Variants in HHAT observed in about 807,000 individuals in gnomAD.
The protein encoded by HHAT is hedgehog acyltransferase, also known as protein-cysteine N-palmitoyltransferase HHAT.
A neutral mutation model predicts 70.8 loss-of-function variants in HHAT; 47 were observed. The ratio of observed to expected loss-of-function variants is 0.66; its 90% CI spans 0.53 to 0.85. HHAT has a LOEUF of 0.85. HHAT is among the 40% of genes least tolerant of loss of function. The pLI is 0.00. For missense variants in HHAT, 609 were observed against 604.8 expected, an observed-to-expected ratio of 1.01 and a Z score of -0.07; for synonymous variants, 228 against 247.6, an observed-to-expected ratio of 0.92 and a Z score of 0.74.
At chr1:210,589,463 A>G (rs1661187545) in intron 10 of HHAT, 1 of 152,258 alleles carries the variant, frequency 6.6e-6, no homozygotes, top group Non-Finnish European at 1.5e-5. Context: ...GGATGGTATC[A>G]TAAAGATTTT....
intron 7 of HHAT, among the ~76,000 whole-genome samples, chr1:210,433,663 A>G: frequency 6.6e-6 from 1 of 151,966 alleles, no homozygotes; most frequent in African/African-American, 2.4e-5. Flanking sequence ...ACAGGGTGAC[A>G]TTTGTTTTTC....
rs557812985 is a variant in HHAT at position 210,525,414 on chromosome 1, G to T, written c.1043+12226G>T. On this transcript the variant is annotated intron_variant, in intron 9 of 11. Transcript: ENST00000261458. ...CATCCTCCAGATGCAAACACTTGGGGTGCTTTGGAGTCCTTTGCTTATGTT... is the reference window on the plus strand; with the variant it reads ...CATCCTCCAGATGCAAACACTTGGGTTGCTTTGGAGTCCTTTGCTTATGTT... 2.6e-5 allele frequency among the ~76,000 whole-genome samples: 4 copies of T among 152,276 alleles called. No individual in the cohort carries two copies. The East Asian group carries it at 5.8e-4, about 22-fold the overall frequency.
At chr1:210,596,568 ATTCT>A (rs547490976) in intron 10 of HHAT, among the ~76,000 whole-genome samples, 123 of 151,982 alleles carry the variant, frequency 8.1e-4, no homozygotes, top group African/African-American at 2.8e-3. Context: ...AAGTGTGCTA[ATTCT>A]TTCTTCTGCT....
chr1:210,409,452 A>C (rs2092451466), intron 6 of HHAT, among the ~76,000 whole-genome samples: 1 of 152,058 alleles, frequency 6.6e-6, no homozygotes, highest in South Asian at 2.1e-4. Flanking sequence ...AGCTCACTGG[A>C]TGTTGCTGGC....
In HHAT at chr1:210,444,323, T is replaced by C. The variant is rs1369394122; in HGVS notation, c.857-20182T>C. Among the ~76,000 whole-genome samples, 4 of 135,844 alleles carry C rather than the reference T, an allele frequency of 2.9e-5. No homozygotes were observed. The Admixed American group carries it at 3.0e-4, about 10-fold the overall frequency. The allele number at this position is 135,844 out of a possible 152,430, so 89.1% of individuals were successfully genotyped here. A position where few individuals can be genotyped will look rare whatever the true frequency, so the allele number is the denominator to read the frequency against. On this transcript the variant is annotated intron_variant, in intron 7 of 11. Transcript: ENST00000261458. The stretch of plus-strand genomic sequence containing the variant: ...TAAAATTCTCTTTTTTTGTTGTGTC[T>C]CTGCCTCGCTTTGGTATCAGAATGA...
chr1:210,605,844 C>A (rs552897423), intron 10 of HHAT, among the ~76,000 whole-genome samples: 183 of 151,620 alleles, frequency 1.2e-3, no homozygotes, highest in African/African-American at 4.3e-3. Context: ...TTATTAATTT[C>A]TTCATTTATG....
rs75008463 is a variant in HHAT at position 210,367,168 on chromosome 1, C to T, written c.159+4249C>T. 3.7e-4 allele frequency among the ~76,000 whole-genome samples: 56 copies of T among 152,276 alleles called. 1 individual carries two copies. The East Asian group carries it at 9.3e-3, about 25-fold the overall frequency. ...AGGATAGCACTCTTTTGGGTGAAAT[C>T]GTGTACCCTATTATGACAAATTTAT... On this transcript the variant is annotated intron_variant, in intron 3 of 11. Coordinates refer to ENST00000261458, the MANE Select transcript of HHAT (RefSeq NM_018194.6).
At chr1:210,643,118 A>G (rs1465820536) in intron 11 of HHAT, among the ~76,000 whole-genome samples, 3 of 152,218 alleles carry the variant, frequency 2.0e-5, no homozygotes, top group African/African-American at 7.2e-5. Flanking sequence ...TCCCCCACAG[A>G]TGTGTACTAC....
In HHAT at chr1:210,343,919, T is replaced by G. The variant is rs1474301605; in HGVS notation, c.-43-5014T>G. Among the ~76,000 whole-genome samples, 13 of 152,180 alleles carry G rather than the reference T, an allele frequency of 8.5e-5. 1 individual carries two copies. The highest frequency in any genetic ancestry group is 1.5e-5 in the Non-Finnish European group (1 of 68,014). ...CTAACTAGTAACTACTAATGTTTGT[T>G]GAGTGCTTATTCACTGCCAGGCCCT... On this transcript the variant is annotated intron_variant, in intron 1 of 11. Coordinates refer to ENST00000261458, the MANE Select transcript of HHAT (RefSeq NM_018194.6).
chr1:210,380,774 G>A (rs76284716), intron 3 of HHAT, among the ~76,000 whole-genome samples: 11,901 of 152,040 alleles, frequency 0.078, 505 homozygotes, highest in African/African-American at 0.12. Context: ...AGGGAGCAAA[G>A]TGTGGGAGGC....
At chr1:210,374,267 T>G (rs374889067) in intron 3 of HHAT, 15 of 60,812 alleles carry the variant, frequency 2.5e-4, no homozygotes, top group African/African-American at 7.9e-4. Flanking sequence ...GAAACCAGTG[T>G]AATGCTACAA....
intron 1 of HHAT, chr1:210,329,336 G>C: frequency 8.3e-7 from 1 of 1,209,506 alleles, no homozygotes; most frequent in South Asian, 4.0e-5. Flanking sequence ...TAGGCGCCGG[G>C]ACAAGTCCGC....
intron 8 of HHAT, among the ~76,000 whole-genome samples, chr1:210,507,429 C>T (rs1227062418): frequency 2.1e-5 from 3 of 142,890 alleles, no homozygotes; most frequent in East Asian, 4.1e-4. Flanking sequence ...GGTGCAATCT[C>T]GGCTCACTGT....
intron 11 of HHAT, among the ~76,000 whole-genome samples, chr1:210,640,779 G>GACC (rs983126686): frequency 2.6e-5 from 4 of 152,112 alleles, no homozygotes; most frequent in African/African-American, 9.7e-5. Flanking sequence ...ATTTCAGCTG[G>GACC]ACCTGAGGGA....
chr1:210,437,552 T>C lies in HHAT; in HGVS notation c.856+19227T>C, dbSNP rs183148421. Among the ~76,000 whole-genome samples the C allele has an allele frequency of 5.1e-3, 780 of 151,966 alleles. 6 individuals are homozygous for C. The highest frequency in any genetic ancestry group is 0.02 in the Middle Eastern group (6 of 294). On this transcript the variant is annotated intron_variant, in intron 7 of 11. Transcript: ENST00000261458. ...CCAGGTTAATCTTGGTGAGAGGCTG[T>C]CCACATTGTTGATCCTGTGCAAAGC...
chr1:210,592,267 C>T (rs1014454304), intron 10 of HHAT, among the ~76,000 whole-genome samples: 7 of 152,056 alleles, frequency 4.6e-5, no homozygotes, highest in Middle Eastern at 3.4e-3. Context: ...CCAGTTTTCC[C>T]AGCACCATTT....
chr1:210,483,446 T>C (rs2094428835), intron 8 of HHAT, among the ~76,000 whole-genome samples: 1 of 152,164 alleles, frequency 6.6e-6, no homozygotes, highest in Non-Finnish European at 1.5e-5. Context: ...CTGGCTATGA[T>C]TGCCTCATCT....
chr1:210,604,778 G>A (rs1053501149), intron 10 of HHAT, among the ~76,000 whole-genome samples: 1 of 152,100 alleles, frequency 6.6e-6, no homozygotes, highest in Non-Finnish European at 1.5e-5. Context: ...CACTTTGAGG[G>A]GCCAAGGTGG....
At chr1:210,427,905 C>T (rs1169279932) in intron 7 of HHAT, among the ~76,000 whole-genome samples, 1 of 151,784 alleles carries the variant, frequency 6.6e-6, no homozygotes, top group Non-Finnish European at 1.5e-5. Context: ...GTTAAAGTCT[C>T]CCCTTATTGT....
Sources: gnomAD v4.1 joint callset for allele counts (sites outside exome capture counted in the v4.1 genomes callset) on GRCh38, gnomAD v4.1.1 for gene constraint, MANE v1.5 for transcripts, NCBI Gene and HGNC (gene_info 2026-07-23, HGNC 2026-07-21) for gene names.